Variants in SYCP1 observed in about 807,000 individuals in gnomAD.
The protein encoded by SYCP1 is synaptonemal complex protein 1.
A neutral mutation model predicts 153.1 loss-of-function variants in SYCP1; 64 were observed. That is an observed-to-expected ratio of 0.42 (90% CI 0.34 to 0.51). The LOEUF is 0.51. Ranked by LOEUF, SYCP1 falls within the 20% of genes least tolerant of loss-of-function variation. The probability of loss-of-function intolerance (pLI) is 0.06; values close to 1 mark genes in which losing one functional copy is unlikely to be tolerated. For missense variants in SYCP1, 997 were observed against 1,049.0 expected (o/e 0.95, Z 0.68); for synonymous variants, 384 against 341.8 (o/e 1.12, Z -1.36).
At chr1:114,976,605 A>G (rs1218230255) in intron 27 of SYCP1, among the ~76,000 whole-genome samples, 2 of 151,782 alleles carry the variant, frequency 1.3e-5, no homozygotes, top group Non-Finnish European at 3.0e-5. Flanking sequence ...AGTCATTACG[A>G]TATTGCTGGT....
chr1:114,913,853 A>T (rs1307423115), intron 19 of SYCP1, 122 bp from the exon 20 acceptor site: 1 of 655,588 alleles, frequency 1.5e-6, no homozygotes, highest in Non-Finnish European at 2.4e-6. Flanking sequence ...TGAAAAGCCC[A>T]TTTTTTTGCT....
intron 27 of SYCP1, among the ~76,000 whole-genome samples, chr1:114,958,792 T>C (rs1338047503): frequency 7.0e-6 from 1 of 142,964 alleles, no homozygotes; most frequent in East Asian, 2.1e-4. Flanking sequence ...TAGCCGGGCA[T>C]GGTGGTGGGT....
chr1:114,969,273 C>T (rs936511412), intron 27 of SYCP1, among the ~76,000 whole-genome samples: 6 of 152,200 alleles, frequency 3.9e-5, no homozygotes, highest in Non-Finnish European at 1.5e-5. Flanking sequence ...GCTGAAGCTG[C>T]ACCCACAGGT....
At chr1:114,889,226 T>A (rs925038675) in intron 15 of SYCP1, among the ~76,000 whole-genome samples, 3 of 150,722 alleles carry the variant, frequency 2.0e-5, no homozygotes, top group African/African-American at 7.4e-5. Flanking sequence ...TACCCAGTAA[T>A]GGGATTGCTG....
chr1:114,894,861 A>T (rs1305795502), intron 15 of SYCP1, among the ~76,000 whole-genome samples: 1 of 152,144 alleles, frequency 6.6e-6, no homozygotes, highest in Non-Finnish European at 1.5e-5. Flanking sequence ...AACAAATAGG[A>T]ATTTGTTGGA....
At chr1:114,900,030 C>A (rs1449284794) in intron 16 of SYCP1, among the ~76,000 whole-genome samples, 1 of 152,140 alleles carries the variant, frequency 6.6e-6, no homozygotes, top group Non-Finnish European at 1.5e-5. Flanking sequence ...ACTTTTATAA[C>A]CTGTTACAAA....
chr1:114,980,306 A>AG (rs2101944728), intron 28 of SYCP1, among the ~76,000 whole-genome samples: 1 of 151,686 alleles, frequency 6.6e-6, no homozygotes, highest in African/African-American at 2.4e-5. Flanking sequence ...ATCCCACTAA[A>AG]GCAACTATTA....
intron 15 of SYCP1, among the ~76,000 whole-genome samples, chr1:114,889,640 C>T (rs1666564425): frequency 6.6e-6 from 1 of 152,082 alleles, no homozygotes; most frequent in Non-Finnish European, 1.5e-5. Flanking sequence ...AATTTTCTCC[C>T]ATTCTGTAGG....
At chr1:114,949,204 A>G (rs1013108553) in intron 27 of SYCP1, among the ~76,000 whole-genome samples, 8 of 152,198 alleles carry the variant, frequency 5.3e-5, no homozygotes, top group Admixed American at 5.2e-4. Flanking sequence ...TCTGACATAC[A>G]TTGCATGATC....
intron 23 of SYCP1, among the ~76,000 whole-genome samples, chr1:114,938,020 C>G (rs1335738442): frequency 1.3e-5 from 2 of 152,092 alleles, no homozygotes; most frequent in African/African-American, 4.8e-5. Context: ...CTAGAAATAC[C>G]ATTTGACCCA....
intron 11 of SYCP1, among the ~76,000 whole-genome samples, chr1:114,877,281 C>T (rs1665607731): frequency 6.6e-6 from 1 of 152,030 alleles, no homozygotes; most frequent in Non-Finnish European, 1.5e-5. Context: ...ATATTCATGT[C>T]ATATAGTGGA....
At chr1:114,971,653 T>C (rs544778161) in intron 27 of SYCP1, among the ~76,000 whole-genome samples, 1 of 152,344 alleles carries the variant, frequency 6.6e-6, no homozygotes, top group East Asian at 1.9e-4. Flanking sequence ...GAAGGGATGT[T>C]AAATTTTATC....
At chr1:114,902,174 G>A (rs1443674641) in intron 16 of SYCP1, among the ~76,000 whole-genome samples, 1 of 152,196 alleles carries the variant, frequency 6.6e-6, no homozygotes, top group Non-Finnish European at 1.5e-5. Flanking sequence ...GAAAGGCTGG[G>A]TTGGACTGAG....
intron 16 of SYCP1, among the ~76,000 whole-genome samples, chr1:114,900,945 A>G (rs1392611420): frequency 6.6e-6 from 1 of 152,202 alleles, no homozygotes; most frequent in Admixed American, 6.6e-5. Context: ...TCTTTAAGTC[A>G]GTCTTTATTT....
chr1:114,913,501 TA>T (rs952041827), intron 19 of SYCP1, among the ~76,000 whole-genome samples: 14 of 152,168 alleles, frequency 9.2e-5, no homozygotes, highest in African/African-American at 3.4e-4. Flanking sequence ...TATGACTTAA[TA>T]AAAAATAGTA....
chr1:114,944,930 A>T lies in SYCP1; in HGVS notation c.2102A>T (p.Lys701Met), dbSNP rs1199924339. 3.1e-6 allele frequency: 5 copies of T among 1,606,304 alleles called. No individual in the cohort carries two copies. Among genetic ancestry groups the T allele is most frequent in the Non-Finnish European group, 4.2e-6 (5 of 1,177,042 alleles). ...EAVKLQKEID[K>M]RCQHKIAEMV... ...GTAAAATTACAGAAAGAAATTGATA[A>T]GCGATGTCAACATAAAATAGCTGAA... Residue 701 changes from lysine to methionine, a missense_variant, in exon 25 of 32, where the codon AAG becomes ATG. By Grantham distance (95) the Lys-to-Met change is moderately conservative. Transcript: ENST00000369522.
chr1:114,886,839 A>G (rs1157900940), intron 14 of SYCP1, among the ~76,000 whole-genome samples: 8 of 152,082 alleles, frequency 5.3e-5, no homozygotes, highest in Non-Finnish European at 1.0e-4. Context: ...TACATAAAAA[A>G]TAAACTAGTA....
chr1:114,941,551 C>A (rs1009994075), intron 23 of SYCP1, among the ~76,000 whole-genome samples: 13 of 151,888 alleles, frequency 8.6e-5, no homozygotes, highest in African/African-American at 3.1e-4. Context: ...GTATATTTGG[C>A]CTTAGACTAC....
At chr1:114,934,868 A>G (rs531327247) in intron 23 of SYCP1, among the ~76,000 whole-genome samples, 1 of 152,330 alleles carries the variant, frequency 6.6e-6, no homozygotes, top group South Asian at 2.1e-4. Context: ...CATCCTAAAT[A>G]TATATGTACC....
Sources: allele counts gnomAD v4.1 joint callset (sites outside exome capture counted in the v4.1 genomes callset), GRCh38; gene constraint gnomAD v4.1.1; transcripts MANE v1.5; gene names NCBI Gene and HGNC (gene_info 2026-07-23, HGNC 2026-07-21).